Variants in CCSER2 observed in about 807,000 individuals in gnomAD.
CCSER2 encodes serine-rich coiled-coil domain-containing protein 2.
In CCSER2, 46 loss-of-function variants were observed where a neutral mutation model predicts 92.3. The ratio of observed to expected loss-of-function variants is 0.50; its 90% CI spans 0.39 to 0.64. The LOEUF (loss-of-function observed/expected upper bound fraction) is 0.64. CCSER2 is among the 30% of genes least tolerant of loss of function. CCSER2 has a pLI of 0.00. For synonymous variants in CCSER2, 433 were observed against 431.4 expected (o/e 1.00, Z -0.04); for missense variants, 1,244 against 1,238.9 (o/e 1.00, Z -0.06).
chr10:84,407,281 ATTG>A (rs1166104955), intron 3 of CCSER2, among the ~76,000 whole-genome samples: 4 of 151,924 alleles, frequency 2.6e-5, no homozygotes, highest in Non-Finnish European at 5.9e-5. Context: ...TGCTTCCATT[ATTG>A]TTTTATTTAT....
chr10:84,441,858 GCCA>G lies in CCSER2; in HGVS notation c.2064+3152_2064+3154del, dbSNP rs1355157095. Among the ~76,000 whole-genome samples, 6 of 138,690 alleles carry G rather than the reference GCCA, an allele frequency of 4.3e-5. No individual in the cohort carries two copies. In the East Asian group the frequency reaches 1.3e-3, roughly 30 times the overall value. 91.0% of individuals were successfully genotyped at this position (138,690 alleles called of 152,430 possible). On this transcript the variant is annotated intron_variant, in intron 6 of 9. Coordinates refer to ENST00000372088, the MANE Select transcript of CCSER2 (RefSeq NM_001284240.2). ...TGCAAACTCCACCTCCTGGGTTCAC[GCCA>G]TTCTCCTGCCTCAGCCTCCCTAGTA...
intron 6 of CCSER2, among the ~76,000 whole-genome samples, chr10:84,442,543 T>C (rs1292141909): frequency 6.6e-6 from 1 of 152,256 alleles, no homozygotes; most frequent in Non-Finnish European, 1.5e-5. Context: ...CTAGTGATGA[T>C]TCCTGGATGG....
chr10:84,437,587 A>G (rs570392907), intron 5 of CCSER2, among the ~76,000 whole-genome samples: 3 of 152,144 alleles, frequency 2.0e-5, no homozygotes, highest in African/African-American at 4.8e-5. Flanking sequence ...TGCTATAACT[A>G]TGACTTCTGG....
chr10:84,375,535 GT>G (rs5786655), intron 3 of CCSER2, among the ~76,000 whole-genome samples: 81,513 of 128,488 alleles, frequency 0.63, 24,758 homozygotes, highest in Non-Finnish European at 0.67. Flanking sequence ...TTGTTGGTTT[GT>G]TTTTTTTTTT....
chr10:84,485,629 A>T (rs894673413), intron 9 of CCSER2, among the ~76,000 whole-genome samples: 1 of 152,320 alleles, frequency 6.6e-6, no homozygotes, highest in Admixed American at 6.5e-5. Flanking sequence ...CAAATAAATA[A>T]TAAAGATGTT....
rs1564684180 is a variant in CCSER2, at chr10:84,457,250, AT to A, written c.2065-6681del. Among the ~76,000 whole-genome samples the A allele has an allele frequency of 2.0e-3, 119 of 60,168 alleles. 1 individual carries two copies. Among genetic ancestry groups the A allele is most frequent in the African/African-American group, 4.5e-3 (71 of 15,926 alleles). 39.5% of individuals were successfully genotyped at this position (60,168 alleles called of 152,430 possible). A position where few individuals can be genotyped will look rare whatever the true frequency, so the allele number is the denominator to read the frequency against. On this transcript the variant is annotated intron_variant, in intron 6 of 9. Coordinates refer to ENST00000372088, the MANE Select transcript of CCSER2 (RefSeq NM_001284240.2). ...TATATAAATATATTATATATTATAT[AT>A]TATATAAAATATATTATATATAATA...
At position 84,415,161 on chromosome 10, in the gene CCSER2, A is replaced by G. The variant is rs568817543; in HGVS notation, c.1615-2610A>G. Reference sequence around the variant, plus strand: ...CCTACTGTGTCAGTTCAGCCATCTCATCCTCAGCCCAGTTCTGTGCCCTTG... The same window carrying G: ...CCTACTGTGTCAGTTCAGCCATCTCGTCCTCAGCCCAGTTCTGTGCCCTTG... On this transcript the variant is annotated intron_variant, in intron 3 of 9. Transcript: ENST00000372088. Among the ~76,000 whole-genome samples, 4 of 152,224 alleles carry G rather than the reference A, an allele frequency of 2.6e-5. No homozygotes were observed. In the South Asian group the frequency reaches 8.3e-4, roughly 32 times the overall value.
intron 6 of CCSER2, among the ~76,000 whole-genome samples, chr10:84,441,000 C>T (rs1589672366): frequency 6.6e-6 from 1 of 152,270 alleles, no homozygotes; most frequent in South Asian, 2.1e-4. Flanking sequence ...ACAGTAATGT[C>T]CTTGGACTTG....
At chr10:84,471,238 T>C (rs1313442890) in intron 8 of CCSER2, among the ~76,000 whole-genome samples, 1 of 152,066 alleles carries the variant, frequency 6.6e-6, no homozygotes. Flanking sequence ...ATAGAGCAGA[T>C]AAATCAAATA....
chr10:84,459,032 C>T (rs554653644), intron 6 of CCSER2, among the ~76,000 whole-genome samples: 157 of 152,154 alleles, frequency 1.0e-3, no homozygotes, highest in Middle Eastern at 3.4e-3. Context: ...GTCTTTGAGA[C>T]GTTCTCGCTG....
intron 1 of CCSER2, among the ~76,000 whole-genome samples, chr10:84,336,000 CTGTTT>C (rs988773619): frequency 5.9e-5 from 9 of 152,062 alleles, no homozygotes; most frequent in African/African-American, 1.2e-4. Flanking sequence ...GGCCATCTTT[CTGTTT>C]TGTTTTGTTT....
At chr10:84,402,181 T>C (rs192136776) in intron 3 of CCSER2, among the ~76,000 whole-genome samples, 7 of 152,266 alleles carry the variant, frequency 4.6e-5, no homozygotes, top group Admixed American at 3.9e-4. Context: ...ATTGAAGCCA[T>C]GTCCACAATC....
chr10:84,478,170 T>C (rs1485591503), intron 9 of CCSER2, among the ~76,000 whole-genome samples: 2 of 152,234 alleles, frequency 1.3e-5, no homozygotes, highest in Admixed American at 1.3e-4. Flanking sequence ...TAGGGAATGG[T>C]TTATTTTAAA....
rs143583679 is a variant in CCSER2, at chr10:84,344,670, G to A, written c.-40+15862G>A. On this transcript the variant is annotated intron_variant, in intron 1 of 9. Coordinates refer to ENST00000372088, the MANE Select transcript of CCSER2 (RefSeq NM_001284240.2). The stretch of plus-strand genomic sequence containing the variant: ...AGAGAATTCCCACGGTGGACAAGTG[G>A]CATTTTGAGTCAAGGGAGTAGTGTG... Among the ~76,000 whole-genome samples the A allele has an allele frequency of 5.0e-3, 763 of 152,290 alleles. 7 individuals are homozygous for A. Among genetic ancestry groups the A allele is most frequent in the African/African-American group, 0.018 (745 of 41,550 alleles).
Position 84,516,986 on chromosome 10 carries a change from G to C in CCSER2, c.*2719G>C, listed in dbSNP as rs1564744856. The C allele has an allele frequency of 6.6e-6, 1 of 152,192 alleles. No homozygotes were observed. Among genetic ancestry groups the C allele is most frequent in the Non-Finnish European group, 1.5e-5 (1 of 68,028 alleles). The allele number at this position is 152,192 out of a possible 1,614,324, so 9.4% of individuals were successfully genotyped here. A position where few individuals can be genotyped will look rare whatever the true frequency, so the allele number is the denominator to read the frequency against. On this transcript the variant is annotated 3_prime_UTR_variant, in exon 10 of 10. Coordinates refer to ENST00000372088, the MANE Select transcript of CCSER2 (RefSeq NM_001284240.2). ...AGTAAATGTTAAGTCTGAAATGGAA[G>C]TGAGGATGTAACTCTACTGAATAAT...
chr10:84,383,575 G>C (rs1314208424), intron 3 of CCSER2, among the ~76,000 whole-genome samples: 1 of 152,096 alleles, frequency 6.6e-6, no homozygotes, highest in East Asian at 1.9e-4. Context: ...CTCCCAAAGT[G>C]CTGGGATTAC....
chr10:84,387,091 A>G (rs1036049197), intron 3 of CCSER2, among the ~76,000 whole-genome samples: 1 of 152,200 alleles, frequency 6.6e-6, no homozygotes, highest in African/African-American at 2.4e-5. Context: ...TCAAAAAAAA[A>G]TCTGTATCCA....
At chr10:84,405,373 A>G (rs940003933) in intron 3 of CCSER2, among the ~76,000 whole-genome samples, 2 of 152,240 alleles carry the variant, frequency 1.3e-5, no homozygotes, top group Admixed American at 1.3e-4. Flanking sequence ...CTGTAAGAAA[A>G]CATTTTAAAA....
At chr10:84,425,592 T>A in intron 4 of CCSER2, 139 bp from the exon 5 acceptor site, 1 of 509,180 alleles carries the variant, frequency 2.0e-6, no homozygotes, top group Non-Finnish European at 3.2e-6. Context: ...GAAATCTTGA[T>A]ATTGTGATTA....
Sources: allele counts gnomAD v4.1 joint callset (sites outside exome capture counted in the v4.1 genomes callset), GRCh38; gene constraint gnomAD v4.1.1; transcripts MANE v1.5; gene names NCBI Gene and HGNC (gene_info 2026-07-23, HGNC 2026-07-21).